ZFHX3: variants seen among roughly 807,000 people sequenced by gnomAD.
ZFHX3 encodes zinc finger homeobox 3.
A neutral mutation model predicts 279.1 loss-of-function variants in ZFHX3; 42 were observed. The ratio of observed to expected loss-of-function variants is 0.15; its 90% CI spans 0.12 to 0.19. ZFHX3 has a LOEUF of 0.19. ZFHX3 is among the 10% of genes least tolerant of loss of function. The pLI is 1.00. For missense variants in ZFHX3, 4,981 were observed against 4,754.0 expected (o/e 1.05, Z -1.40); for synonymous variants, 2,293 against 1,957.8 (o/e 1.17, Z -4.52).
intron 1 of ZFHX3, among the ~76,000 whole-genome samples, chr16:73,843,217 C>G (rs897546220): frequency 6.6e-6 from 1 of 152,120 alleles, no homozygotes; most frequent in Non-Finnish European, 1.5e-5. Flanking sequence ...TAGTGGGGAA[C>G]GGAGAACAAA....
chr16:73,090,612 C>T (rs981313926), intron 8 of ZFHX3, among the ~76,000 whole-genome samples: 9 of 151,204 alleles, frequency 6.0e-5, no homozygotes, highest in Non-Finnish European at 1.2e-4. Flanking sequence ...AAGGGTGGGG[C>T]GTGGTGGTTC....
At chr16:73,442,767 G>A (rs531624775) in intron 3 of ZFHX3, among the ~76,000 whole-genome samples, 19 of 152,228 alleles carry the variant, frequency 1.2e-4, no homozygotes, top group African/African-American at 2.9e-4. Flanking sequence ...CACCATGAGC[G>A]CAGGATCCAG....
At chr16:73,288,151 C>T (rs1197635552) in intron 4 of ZFHX3, among the ~76,000 whole-genome samples, 2 of 146,374 alleles carry the variant, frequency 1.4e-5, no homozygotes, top group African/African-American at 5.0e-5. Flanking sequence ...TTATCAGCCT[C>T]TCTTGCCTGT....
At chr16:73,279,228 A>G (rs1168677715) in intron 4 of ZFHX3, among the ~76,000 whole-genome samples, 14 of 152,118 alleles carry the variant, frequency 9.2e-5, no homozygotes, top group Admixed American at 9.2e-4. Context: ...CCCTCCAAGG[A>G]GTTTTCAGAA....
chr16:73,239,376 G>A (rs1432780232), intron 5 of ZFHX3, among the ~76,000 whole-genome samples: 1 of 152,224 alleles, frequency 6.6e-6, no homozygotes, highest in South Asian at 2.1e-4. Flanking sequence ...CTCTGGCTAA[G>A]GCCGAACTTC....
intron 5 of ZFHX3, among the ~76,000 whole-genome samples, chr16:73,246,341 C>T (rs368421836): frequency 5.9e-5 from 9 of 152,106 alleles, no homozygotes; most frequent in Admixed American, 2.6e-4. Context: ...GCCAATGAAA[C>T]GCACATAAGT....
At chr16:73,712,442 G>C (rs990485113) in intron 1 of ZFHX3, among the ~76,000 whole-genome samples, 2 of 152,182 alleles carry the variant, frequency 1.3e-5, no homozygotes, top group African/African-American at 2.4e-5. Context: ...CCCCTGCCCA[G>C]GTTGCAGGCT....
intron 2 of ZFHX3, among the ~76,000 whole-genome samples, chr16:73,460,171 T>TATA (rs756267914): frequency 6.6e-6 from 1 of 152,210 alleles, no homozygotes; most frequent in Non-Finnish European, 1.5e-5. Flanking sequence ...TCTCCATATC[T>TATA]ATAATTTTGT....
rs141876398 is a variant in ZFHX3 at position 73,399,457 on chromosome 16, T to A, written c.-1291+56546A>T. Among the ~76,000 whole-genome samples, 59 of 152,312 alleles carry A rather than the reference T, an allele frequency of 3.9e-4. 1 individual carries two copies. In the East Asian group the frequency reaches 0.011, roughly 27 times the overall value. ...CTTGGGGACACGCAGCACCCCATGA[T>A]AGCAAGTTTGTTTTTTATAATCCTT... On this transcript the variant is annotated intron_variant, in intron 3 of 17. Coordinates refer to the ZFHX3 transcript ENST00000641206.
chr16:73,540,949 A>G (rs2019999651), intron 2 of ZFHX3, among the ~76,000 whole-genome samples: 1 of 151,984 alleles, frequency 6.6e-6, no homozygotes, highest in African/African-American at 2.4e-5. Flanking sequence ...GGAAAATGAG[A>G]TGCTCTTTTA....
chr16:73,684,384 C>T (rs1001560058), intron 1 of ZFHX3, among the ~76,000 whole-genome samples: 2 of 151,112 alleles, frequency 1.3e-5, no homozygotes, highest in South Asian at 2.1e-4. Flanking sequence ...ACTTTAGGAG[C>T]GAATTAGACT....
At chr16:73,386,697 C>T (rs1296690437) in intron 3 of ZFHX3, 4 of 151,044 alleles carry the variant, frequency 2.6e-5, no homozygotes, top group Non-Finnish European at 5.9e-5. Flanking sequence ...GAGCCCTACA[C>T]AGTCCTTAGG....
intron 2 of ZFHX3, among the ~76,000 whole-genome samples, chr16:73,503,967 G>C (rs2019280591): frequency 6.6e-6 from 1 of 152,140 alleles, no homozygotes; most frequent in Admixed American, 6.5e-5. Context: ...AAATAGTTTT[G>C]TATTCCAAAA....
chr16:73,425,718 G>C (rs1338862390), intron 3 of ZFHX3, among the ~76,000 whole-genome samples: 2 of 152,124 alleles, frequency 1.3e-5, no homozygotes, highest in African/African-American at 4.8e-5. Flanking sequence ...TCATCTGGCT[G>C]TGGGCAGATC....
intron 1 of ZFHX3, among the ~76,000 whole-genome samples, chr16:73,760,465 A>ACCT (rs1367914291): frequency 1.3e-5 from 2 of 148,286 alleles, no homozygotes. Flanking sequence ...TGATACCAAA[A>ACCT]GCTGGCAGCA....
intron 1 of ZFHX3, among the ~76,000 whole-genome samples, chr16:73,680,818 G>T (rs541666767): frequency 1.3e-5 from 2 of 152,148 alleles, no homozygotes; most frequent in Non-Finnish European, 2.9e-5. Flanking sequence ...GGATTTAATT[G>T]TACCTTTGCT....
chr16:73,564,224 G>A (rs138383083), intron 2 of ZFHX3, among the ~76,000 whole-genome samples: 1 of 152,274 alleles, frequency 6.6e-6, no homozygotes, highest in African/African-American at 2.4e-5. Flanking sequence ...GAAATAGACG[G>A]CCACGTATCA....
intron 5 of ZFHX3, among the ~76,000 whole-genome samples, chr16:73,217,526 T>C (rs2012257924): frequency 6.6e-6 from 1 of 152,174 alleles, no homozygotes; most frequent in African/African-American, 2.4e-5. Flanking sequence ...TTAAGACCAT[T>C]GTAAATTTGG....
chr16:73,504,441 C>G (rs1006067814), intron 2 of ZFHX3: 38 of 152,120 alleles, frequency 2.5e-4, no homozygotes, highest in African/African-American at 8.5e-4. Context: ...GTTTCAAAAC[C>G]AATTTTCCAT....
Sources: allele counts gnomAD v4.1 joint callset (sites outside exome capture counted in the v4.1 genomes callset), GRCh38; gene constraint gnomAD v4.1.1; transcripts MANE v1.5; gene names NCBI Gene and HGNC (gene_info 2026-07-23, HGNC 2026-07-21).